Variants in COL23A1 observed in about 807,000 individuals in gnomAD.
COL23A1 encodes collagen alpha-1(XXIII) chain.
Under a neutral mutation model 99.3 loss-of-function variants are expected in COL23A1, and 97 were observed. The observed-to-expected ratio is 0.98, with a 90% CI of 0.83 to 1.16. The LOEUF (loss-of-function observed/expected upper bound fraction) is 1.16. Ranked by LOEUF, COL23A1 falls within the 50% of genes most tolerant of loss-of-function variation. COL23A1 has a pLI of 0.00. For missense variants in COL23A1, 762 were observed against 757.4 expected (o/e 1.01, Z -0.07); for synonymous variants, 320 against 308.2 (o/e 1.04, Z -0.40).
At chr5:178,491,583 G>A (rs971794932) in intron 2 of COL23A1, among the ~76,000 whole-genome samples, 4 of 152,056 alleles carry the variant, frequency 2.6e-5, no homozygotes, top group Non-Finnish European at 5.9e-5. Context: ...AATGTGGGTG[G>A]GTCATAACAG....
intron 2 of COL23A1, among the ~76,000 whole-genome samples, chr5:178,350,039 C>T (rs1460201472): frequency 1.3e-5 from 2 of 152,210 alleles, no homozygotes; most frequent in South Asian, 4.1e-4. Context: ...TCTGTGCCCC[C>T]TCTCCAGGCA....
rs1357613646 is a variant in COL23A1 at position 178,307,040 on chromosome 5, A to G, written c.362-121T>C. 8.0e-6 allele frequency: 5 copies of G among 626,684 alleles called. No homozygotes were observed. Among genetic ancestry groups the G allele is most frequent in the Non-Finnish European group, 1.3e-5 (5 of 388,032 alleles). The allele number at this position is 626,684 out of a possible 1,614,324, so 38.8% of individuals were successfully genotyped here. On this transcript the variant is annotated intron_variant, in intron 2 of 28. Transcript: ENST00000390654. The surrounding 1 kb of genome is among the most constrained non-coding windows in gnomAD (Gnocchi z 4.2). ...CAGCTTTCTGGGAGTGGCCTGCCCGAGGGGGTCTGCTGGCTGTGGAGGGGG... is the reference window on the plus strand; with the variant it reads ...CAGCTTTCTGGGAGTGGCCTGCCCGGGGGGGTCTGCTGGCTGTGGAGGGGG...
intron 2 of COL23A1, among the ~76,000 whole-genome samples, chr5:178,421,446 A>G (rs1448262697): frequency 6.6e-6 from 1 of 151,604 alleles, no homozygotes; most frequent in Non-Finnish European, 1.5e-5. Flanking sequence ...GTAATGGATT[A>G]AAGTCTCAGC....
At position 178,245,982 on chromosome 5, in the gene COL23A1, C is replaced by T. The variant is rs1327414825; in HGVS notation, c.1414-14G>A. 3 of 1,613,908 alleles carry T rather than the reference C, an allele frequency of 1.9e-6. No homozygotes were observed. Among genetic ancestry groups the T allele is most frequent in the Admixed American group, 1.7e-5 (1 of 59,996 alleles). On this transcript the variant is annotated splice_polypyrimidine_tract_variant and intron_variant, in intron 24 of 28. Transcript: ENST00000390654. ...CCCGGGTCTGCCCTGAGGAGAGACA[C>T]AGAGTGGGTGAGAGGGGTTGGGGAG...
At chr5:178,344,899 AG>A in intron 2 of COL23A1, 1 of 763,816 alleles carries the variant, frequency 1.3e-6, no homozygotes, top group Non-Finnish European at 2.2e-6. Context: ...GGACAGTCTC[AG>A]GGACAACACG....
chr5:178,239,438 G>A (rs551497979), intron 27 of COL23A1, among the ~76,000 whole-genome samples: 1 of 152,334 alleles, frequency 6.6e-6, no homozygotes, highest in South Asian at 2.1e-4. Flanking sequence ...GCTGTGCAGT[G>A]GGCAGGAACA....
chr5:178,497,112 A>C (rs1168561658), intron 2 of COL23A1, among the ~76,000 whole-genome samples: 1 of 152,162 alleles, frequency 6.6e-6, no homozygotes, highest in Non-Finnish European at 1.5e-5. Context: ...GTGGATAGGA[A>C]ACACTCTTTG....
chr5:178,278,008 A>C (rs1756686809), intron 5 of COL23A1, among the ~76,000 whole-genome samples: 1 of 152,150 alleles, frequency 6.6e-6, no homozygotes. Context: ...GGTGGAAGGA[A>C]GTCTGGGGGA....
At chr5:178,239,046 G>T in intron 28 of COL23A1, 95 bp downstream of exon 28, 1 of 1,392,172 alleles carries the variant, frequency 7.2e-7, no homozygotes, top group Non-Finnish European at 1.0e-6. Context: ...ACACCCAGAG[G>T]TTTGAGTGAC....
intron 2 of COL23A1, among the ~76,000 whole-genome samples, chr5:178,413,880 T>A (rs2127784338): frequency 6.6e-6 from 1 of 152,282 alleles, no homozygotes; most frequent in East Asian, 1.9e-4. Flanking sequence ...GGGTGTCAGT[T>A]TCCTCTTTTG....
At position 178,306,784 on chromosome 5, in the gene COL23A1, G is replaced by A; in HGVS notation, c.406+91C>T. Reference sequence around the variant, plus strand: ...CCAGGACCAAGGCATGACTCAGGGTGGGCAGCAGGTGGCCAGGCCCTGCAG... The same window carrying A: ...CCAGGACCAAGGCATGACTCAGGGTAGGCAGCAGGTGGCCAGGCCCTGCAG... On this transcript the variant is annotated intron_variant, in intron 3 of 28. Transcript: ENST00000390654. This position sits in a 1 kb window ranked among gnomAD's most constrained non-coding sequence, Gnocchi z 4.1. 1 of 941,566 alleles carries A rather than the reference G, an allele frequency of 1.1e-6. No homozygotes were observed. Among genetic ancestry groups the A allele is most frequent in the Non-Finnish European group, 1.5e-6 (1 of 663,670 alleles). 58.3% of individuals were successfully genotyped at this position (941,566 alleles called of 1,614,324 possible). A position where few individuals can be genotyped will look rare whatever the true frequency, so the allele number is the denominator to read the frequency against.
chr5:178,247,696 A>C, intron 21 of COL23A1, 79 bp downstream of exon 21: 2 of 1,551,500 alleles, frequency 1.3e-6, no homozygotes. Context: ...CTCCTGGGTC[A>C]TGGCTCTGGG....
rs76285089 is a variant in COL23A1, at chr5:178,522,858, T to C, written c.361+37824A>G. On this transcript the variant is annotated intron_variant, in intron 2 of 28. Transcript: ENST00000390654. ...ATTCAAGTCTCCCCCCAGTCTCTGATAAGAAGATCCACCTTGATGCTATGG... is the reference window on the plus strand; with the variant it reads ...ATTCAAGTCTCCCCCCAGTCTCTGACAAGAAGATCCACCTTGATGCTATGG... Among the ~76,000 whole-genome samples the C allele has an allele frequency of 1.8e-3, 268 of 152,180 alleles. 1 individual carries two copies. The highest frequency in any genetic ancestry group is 6.0e-3 in the African/African-American group (250 of 41,534).
In COL23A1 at chr5:178,267,304, T is replaced by C. The variant is rs537144441; in HGVS notation, c.522+3A>G. On this transcript the variant is annotated splice_donor_region_variant and intron_variant, in intron 8 of 28. Transcript: ENST00000390654. ...AGTGAGGGAGGTCATGCCTGGTTCTTACCCGGGGGCCAAAGTCTCCTGGTG... is the reference window on the plus strand; with the variant it reads ...AGTGAGGGAGGTCATGCCTGGTTCTCACCCGGGGGCCAAAGTCTCCTGGTG... The C allele has an allele frequency of 1.9e-6, 3 of 1,614,068 alleles. No homozygotes were observed. In the South Asian group the frequency reaches 3.3e-5, roughly 18 times the overall value.
chr5:178,286,294 G>C (rs1012689377), intron 5 of COL23A1, among the ~76,000 whole-genome samples: 1 of 152,130 alleles, frequency 6.6e-6, no homozygotes, highest in Non-Finnish European at 1.5e-5. Context: ...CAGAGGAAGT[G>C]GGGGGGCTTG....
intron 2 of COL23A1, among the ~76,000 whole-genome samples, chr5:178,480,148 A>G (rs1757255037): frequency 6.6e-6 from 1 of 152,030 alleles, no homozygotes; most frequent in Admixed American, 6.5e-5. Flanking sequence ...TACTCCAGAA[A>G]AAAAAAAAAA....
intron 2 of COL23A1, among the ~76,000 whole-genome samples, chr5:178,523,183 T>TATATATATACATATATATATATATACAC (rs1760072112): frequency 5.7e-4 from 21 of 37,164 alleles, no homozygotes; most frequent in Non-Finnish European, 1.1e-3. Context: ...TATATACACA[T>TATATATATACATATATATATATATACAC]ATATATATAT....
At chr5:178,304,717 G>C (rs181059895) in intron 3 of COL23A1, among the ~76,000 whole-genome samples, 78 of 152,180 alleles carry the variant, frequency 5.1e-4, no homozygotes, top group African/African-American at 1.8e-3. Context: ...CAGACAATCG[G>C]GACACCACAC....
chr5:178,548,484 C>G (rs1441293841), intron 2 of COL23A1, among the ~76,000 whole-genome samples: 3 of 152,094 alleles, frequency 2.0e-5, no homozygotes, highest in Non-Finnish European at 4.4e-5. Context: ...CCTTGCTCCC[C>G]CTCACTCAGT....
Sources: gnomAD v4.1 joint callset for allele counts (sites outside exome capture counted in the v4.1 genomes callset) on GRCh38, gnomAD v4.1.1 for gene constraint, Gnocchi (gnomAD v3.1) non-coding constraint, MANE v1.5 for transcripts, NCBI Gene and HGNC (gene_info 2026-07-23, HGNC 2026-07-21) for gene names.